The following SLIT3 variants were observed in gnomAD, a reference collection of about 807,000 sequenced individuals.
SLIT3 encodes slit guidance ligand 3.
A neutral mutation model predicts 184.0 loss-of-function variants in SLIT3; 68 were observed. The ratio of observed to expected loss-of-function variants is 0.37; its 90% CI spans 0.30 to 0.45. SLIT3 has a LOEUF of 0.45. Among genes scored for constraint, SLIT3 ranks in the 20% least tolerant of loss-of-function variants. The pLI is 1.00. For missense variants in SLIT3, 1,707 were observed against 2,026.0 expected (o/e 0.84, Z 3.02); for synonymous variants, 831 against 828.6 (o/e 1.00, Z -0.05).
intron 20 of SLIT3, among the ~76,000 whole-genome samples, chr5:168,726,965 T>G (rs1274363143): frequency 4.2e-5 from 6 of 143,154 alleles, no homozygotes; most frequent in African/African-American, 1.6e-4. Flanking sequence ...GAGCCAAGAT[T>G]GCACTACTAC....
At chr5:168,957,559 C>T (rs567250592) in intron 4 of SLIT3, among the ~76,000 whole-genome samples, 138 of 152,312 alleles carry the variant, frequency 9.1e-4, no homozygotes, top group African/African-American at 3.1e-3. Context: ...GCTCAGGTGA[C>T]GCTGATGCTG....
intron 20 of SLIT3, among the ~76,000 whole-genome samples, chr5:168,734,235 C>T (rs1763368889): frequency 6.6e-6 from 1 of 152,228 alleles, no homozygotes; most frequent in Non-Finnish European, 1.5e-5. Context: ...ACCTTCACAG[C>T]AACATCTAGA....
At chr5:168,982,106 A>G (rs1754970421) in intron 4 of SLIT3, among the ~76,000 whole-genome samples, 1 of 152,140 alleles carries the variant, frequency 6.6e-6, no homozygotes, top group African/African-American at 2.4e-5. Context: ...GTGCATTCTG[A>G]TATTTTTTGA....
At chr5:169,290,529 A>ACTAGGGCGCATACTAGGGCATACG (rs1767324199) in intron 1 of SLIT3, among the ~76,000 whole-genome samples, 1 of 124,352 alleles carries the variant, frequency 8.0e-6, no homozygotes, top group Non-Finnish European at 1.7e-5. Flanking sequence ...TAGGGCATAT[A>ACTAGGGCGCATACTAGGGCATACG]CTAGGGCGCA....
chr5:169,193,687 C>T (rs138353932), intron 3 of SLIT3, 137 bp from the exon 4 acceptor site: 1 of 736,770 alleles, frequency 1.4e-6, no homozygotes, highest in East Asian at 2.6e-5. Flanking sequence ...ATGGGCTGCT[C>T]AACACATGTA....
At chr5:168,939,026 A>G (rs1340603683) in intron 4 of SLIT3, among the ~76,000 whole-genome samples, 2 of 152,214 alleles carry the variant, frequency 1.3e-5, no homozygotes, top group Admixed American at 1.3e-4. Flanking sequence ...CTGCAGGACA[A>G]TGATATGGAA....
At chr5:168,837,196 T>A (rs1378783275) in intron 6 of SLIT3, among the ~76,000 whole-genome samples, 1 of 152,188 alleles carries the variant, frequency 6.6e-6, no homozygotes, top group East Asian at 1.9e-4. Flanking sequence ...CCTGATTGCA[T>A]GAACATATCA....
At chr5:169,085,159 A>T (rs1029506209) in intron 4 of SLIT3, among the ~76,000 whole-genome samples, 2 of 152,126 alleles carry the variant, frequency 1.3e-5, no homozygotes, top group African/African-American at 4.8e-5. Context: ...TCCAACTTCT[A>T]CTGGGGTTTA....
intron 14 of SLIT3, among the ~76,000 whole-genome samples, chr5:168,769,302 C>T (rs1755461044): frequency 6.6e-6 from 1 of 152,202 alleles, no homozygotes; most frequent in African/African-American, 2.4e-5. Flanking sequence ...TCCCACTTGG[C>T]ATTAGGCTGG....
In SLIT3 at chr5:168,662,258, T is replaced by A. The variant is rs1202089595; in HGVS notation, c.*4196A>T. On this transcript the variant is annotated 3_prime_UTR_variant, in exon 36 of 36. Coordinates refer to ENST00000519560, the MANE Select transcript of SLIT3 (RefSeq NM_003062.4). ...CCTACCAGTAATGCCCTATGACTCCTCCAGCTCTGGTATCTGGGATCTTGA... is the reference window on the plus strand; with the variant it reads ...CCTACCAGTAATGCCCTATGACTCCACCAGCTCTGGTATCTGGGATCTTGA... 6.6e-6 allele frequency: 1 copy of A among 152,262 alleles called. No individual in the cohort carries two copies. The highest frequency in any genetic ancestry group is 2.4e-5 in the African/African-American group (1 of 41,458). 9.4% of individuals were successfully genotyped at this position (152,262 alleles called of 1,614,324 possible).
chr5:168,689,084 C>T (rs1171288089), intron 29 of SLIT3, among the ~76,000 whole-genome samples: 1 of 152,136 alleles, frequency 6.6e-6, no homozygotes, highest in Non-Finnish European at 1.5e-5. Context: ...CAGCAAGTCT[C>T]AAACTTTAAT....
intron 4 of SLIT3, among the ~76,000 whole-genome samples, chr5:169,075,387 G>T (rs775712955): frequency 1.3e-5 from 2 of 152,188 alleles, no homozygotes; most frequent in East Asian, 3.9e-4. Flanking sequence ...GACTGAGTGA[G>T]GACCTGGAGC....
At chr5:169,145,928 G>A (rs994650119) in intron 4 of SLIT3, among the ~76,000 whole-genome samples, 2 of 152,130 alleles carry the variant, frequency 1.3e-5, no homozygotes, top group African/African-American at 4.8e-5. Context: ...CACACAACCT[G>A]TAGTCCCAGC....
At chr5:168,773,087 C>A in intron 13 of SLIT3, 143 bp from the exon 14 acceptor site, 1 of 796,992 alleles carries the variant, frequency 1.3e-6, no homozygotes. Context: ...TTAGGGGGTG[C>A]TACTTTCAGA....
chr5:168,994,464 C>T (rs1419139559), intron 4 of SLIT3, among the ~76,000 whole-genome samples: 1 of 152,008 alleles, frequency 6.6e-6, no homozygotes, highest in Non-Finnish European at 1.5e-5. Context: ...CTGTCCATCT[C>T]AATCCCCTCT....
intron 6 of SLIT3, among the ~76,000 whole-genome samples, chr5:168,829,123 A>G (rs1757801164): frequency 6.6e-6 from 1 of 152,108 alleles, no homozygotes; most frequent in Admixed American, 6.6e-5. Flanking sequence ...GATCTGGAGG[A>G]GACACGTCCA....
chr5:169,127,182 G>A (rs2113303524), intron 4 of SLIT3, among the ~76,000 whole-genome samples: 1 of 152,300 alleles, frequency 6.6e-6, no homozygotes, highest in Admixed American at 6.5e-5. Flanking sequence ...ATGAGGCTAA[G>A]AGTACCAATG....
intron 4 of SLIT3, among the ~76,000 whole-genome samples, chr5:169,160,206 C>T (rs2113389961): frequency 6.6e-6 from 1 of 152,296 alleles, no homozygotes; most frequent in Admixed American, 6.5e-5. Context: ...TGTGCCATGC[C>T]ATTCAGAGAG....
rs79983778 is a variant in SLIT3 at position 168,753,724 on chromosome 5, T to C, written c.1829+140A>G. ...CCATCCAAGGCTCCAGAATGTCTGA[T>C]GACTCTGACTCCAGGAAGAGAGGGA... On this transcript the variant is annotated intron_variant, in intron 17 of 35. Transcript: ENST00000519560. 3.1e-3 allele frequency: 3,027 copies of C among 983,548 alleles called. 62 individuals carry two copies. The African/African-American group carries it at 0.043, about 14-fold the overall frequency. The allele number at this position is 983,548 out of a possible 1,614,324, so 60.9% of individuals were successfully genotyped here.
Sources: gnomAD v4.1 joint callset for allele counts (sites outside exome capture counted in the v4.1 genomes callset) on GRCh38, gnomAD v4.1.1 for gene constraint, MANE v1.5 for transcripts, NCBI Gene and HGNC (gene_info 2026-07-23, HGNC 2026-07-21) for gene names.